EHMT2: variants seen among roughly 807,000 people sequenced by gnomAD.
The protein encoded by EHMT2 is euchromatic histone lysine methyltransferase 2, also known as histone-lysine N-methyltransferase EHMT2.
In EHMT2, 59 loss-of-function variants were observed where a neutral mutation model predicts 143.3. The observed-to-expected ratio is 0.41, with a 90% CI of 0.33 to 0.51. EHMT2 has a LOEUF of 0.51. Ranked by LOEUF, EHMT2 falls within the 20% of genes least tolerant of loss-of-function variation. The pLI is 0.18. For synonymous variants in EHMT2, 604 were observed against 651.5 expected, an observed-to-expected ratio of 0.93 and a Z score of 1.11; for missense variants, 1,174 against 1,645.9, an observed-to-expected ratio of 0.71 and a Z score of 4.96.
chr6:31,887,343 C>A (rs1056710686), intron 15 of EHMT2, among the ~76,000 whole-genome samples: 2 of 152,210 alleles, frequency 1.3e-5, no homozygotes, highest in Non-Finnish European at 2.9e-5. Context: ...TGCAAGGTCC[C>A]TAACCTCTCT....
In EHMT2 at chr6:31,880,013, G is replaced by T; in HGVS notation, c.*71C>A. The T allele has an allele frequency of 1.3e-6, 2 of 1,541,170 alleles. No individual in the cohort carries two copies. The highest frequency in any genetic ancestry group is 2.3e-5 in the East Asian group (1 of 43,568). On this transcript the variant is annotated 3_prime_UTR_variant, in exon 28 of 28. Coordinates refer to ENST00000375537, the Ensembl canonical transcript of EHMT2. This position sits in a 1 kb window ranked among gnomAD's most constrained non-coding sequence, Gnocchi z 6.6. ...GGCAGCACCCCCAGGCATGGGCTGCGAGCAGCTGGTGGCAGAGGAGGCGGC... is the reference window on the plus strand; with the variant it reads ...GGCAGCACCCCCAGGCATGGGCTGCTAGCAGCTGGTGGCAGAGGAGGCGGC...
chr6:31,887,557 A>C lies in EHMT2; in HGVS notation c.2011+20T>G. On this transcript the variant is annotated intron_variant, in intron 15 of 27. Coordinates refer to ENST00000375537, the Ensembl canonical transcript of EHMT2. The stretch of plus-strand genomic sequence containing the variant: ...CATGAAGCTTGGTCAAGGTCTGCTG[A>C]AGGAATGGGTGGCACTCACACAGCA... 6.2e-7 allele frequency: 1 copy of C among 1,611,370 alleles called. No individual in the cohort carries two copies. Among genetic ancestry groups the C allele is most frequent in the Non-Finnish European group, 8.5e-7 (1 of 1,178,518 alleles).
At position 31,884,637 on chromosome 6, in the gene EHMT2, G is replaced by A. The variant is rs906829945; in HGVS notation, c.2603+8C>T. On this transcript the variant is annotated splice_region_variant and intron_variant, in intron 20 of 27. Coordinates refer to ENST00000375537, the Ensembl canonical transcript of EHMT2. The surrounding 1 kb of genome is among the most constrained non-coding windows in gnomAD (Gnocchi z 7.3). ...GGCAGGGGCATCAAGGGCGGGGCAG[G>A]GGCTCACAGCACGCAGTCATGGTAG... is the stretch of plus-strand genomic sequence containing the variant. 1.3e-6 allele frequency: 2 copies of A among 1,592,354 alleles called. No homozygotes were observed. The highest frequency in any genetic ancestry group is 1.3e-5 in the African/African-American group (1 of 74,664).
At chr6:31,882,668 A>G (rs761457178) in intron 25 of EHMT2, 31 bp downstream of exon 25, 41 of 1,601,256 alleles carry the variant, frequency 2.6e-5, no homozygotes, top group Non-Finnish European at 3.3e-5. Flanking sequence ...TCCCCTTCCC[A>G]CCAGGTGTTA....
intron 4 of EHMT2, 75 bp from the exon 5 acceptor site, chr6:31,892,985 G>GCTAA: frequency 1.0e-6 from 1 of 971,648 alleles, no homozygotes; most frequent in Non-Finnish European, 1.5e-6. Context: ...GGAGCCCCAG[G>GCTAA]CGGGGGTGGG....
In EHMT2 at chr6:31,896,594, C is replaced by G. The variant is rs769607980; in HGVS notation, c.328+12G>C. 5.7e-6 allele frequency: 9 copies of G among 1,587,572 alleles called. No individual in the cohort carries two copies. The highest frequency in any genetic ancestry group is 7.7e-6 in the Non-Finnish European group (9 of 1,166,904). On this transcript the variant is annotated intron_variant, in intron 3 of 27. Coordinates refer to ENST00000375537, the Ensembl canonical transcript of EHMT2. ...ATTTCCCACCAACCCCCCAGGCTAC[C>G]CAGCCTCTCACCCAGCAGGATCCGG...
exon 28 of EHMT2, chr6:31,879,919 G>A: frequency 2.4e-6 from 2 of 831,210 alleles, no homozygotes; most frequent in Non-Finnish European, 3.7e-6. Flanking sequence ...GGGAGGGGCT[G>A]TCAGACCTCC....
At position 31,884,048 on chromosome 6, in the gene EHMT2, G is replaced by A. The variant is rs996852184; in HGVS notation, c.2772-98C>T. ...GAGTTGGGGAGGTTCCTGGGGCTGGGGGCAGGGGAGTAAGGTTGCCAGGTA... is the reference window on the plus strand; with the variant it reads ...GAGTTGGGGAGGTTCCTGGGGCTGGAGGCAGGGGAGTAAGGTTGCCAGGTA... On this transcript the variant is annotated intron_variant, in intron 21 of 27. Coordinates refer to ENST00000375537, the Ensembl canonical transcript of EHMT2. This position sits in a 1 kb window ranked among gnomAD's most constrained non-coding sequence, Gnocchi z 7.3. 6.5e-6 allele frequency: 9 copies of A among 1,390,646 alleles called. No homozygotes were observed. The South Asian group carries it at 7.9e-5, about 12-fold the overall frequency. The allele number at this position is 1,390,646 out of a possible 1,614,324, so 86.1% of individuals were successfully genotyped here.
At chr6:31,882,647 G>A in intron 25 of EHMT2, 52 bp downstream of exon 25, 1 of 1,546,740 alleles carries the variant, frequency 6.5e-7, no homozygotes, top group Non-Finnish European at 8.9e-7. Context: ...GCAGTCAGCA[G>A]TGGCCATGTA....
Position 31,889,217 on chromosome 6 carries a change from A to G in EHMT2, c.1114+11T>C. The G allele has an allele frequency of 1.3e-6, 2 of 1,597,942 alleles. No individual in the cohort carries two copies. Among genetic ancestry groups the G allele is most frequent in the Non-Finnish European group, 1.7e-6 (2 of 1,173,122 alleles). On this transcript the variant is annotated intron_variant, in intron 9 of 27. Transcript: ENST00000375537. This position sits in a 1 kb window ranked among gnomAD's most constrained non-coding sequence, Gnocchi z 5.1. ...GCTGGAGGGCACCCAAAAGCAGCAG[A>G]GCCTCCTCACCTCGTGGCTCCTTGG...
rs946226438 is a variant in EHMT2 at position 31,889,253 on chromosome 6, C to T, written c.1089G>A (p.Glu363=). The change falls in exon 9 of 28, where the codon GAG becomes GAA. Residue 363 remains glutamate (E), a synonymous_variant. Coordinates refer to ENST00000375537, the Ensembl canonical transcript of EHMT2. This position sits in a 1 kb window ranked among gnomAD's most constrained non-coding sequence, Gnocchi z 5.1. The stretch of plus-strand genomic sequence containing the variant: ...CTCGTGGCTCCTTGGCCCGCGGAGG[C>T]TCCCGCTTGCGCCGTTTCCGAGACG... 14 of 1,610,866 alleles carry T rather than the reference C, an allele frequency of 8.7e-6. No homozygotes were observed. Among genetic ancestry groups the T allele is most frequent in the Non-Finnish European group, 1.2e-5 (14 of 1,179,496 alleles).
intron 1 of EHMT2, among the ~76,000 whole-genome samples, chr6:31,897,429 G>A (rs1383456321): frequency 6.7e-6 from 1 of 149,572 alleles, no homozygotes; most frequent in Non-Finnish European, 1.5e-5. Flanking sequence ...AGGGGCAGCC[G>A]GCGGCTGCAC....
At chr6:31,896,501 G>A (rs1766464043) in exon 4 of EHMT2, 1 of 1,612,770 alleles carries the variant, frequency 6.2e-7, no homozygotes, top group African/African-American at 1.3e-5. Context: ...AGAGGGGAAT[G>A]ACTTTGTGGC....
At position 31,896,937 on chromosome 6, in the gene EHMT2, C is replaced by T. The variant is rs760796179; in HGVS notation, c.95G>A (p.Gly32Glu). The T allele has an allele frequency of 6.9e-6, 11 of 1,593,078 alleles. No homozygotes were observed. The highest frequency in any genetic ancestry group is 9.4e-6 in the Non-Finnish European group (11 of 1,172,514). ...GCTGCACTCACCTCTCTCGGTGGCT[C>T]CTCTGGTTTCCTTCTCCAGCAGCAG... Residue 32 changes from glycine to glutamate, a missense_variant, in exon 2 of 28, where the codon GGA becomes GAA. This residue lies in a region of EHMT2 where 399 missense variants were observed against 404.4 expected (regional missense o/e 0.99). Coordinates refer to ENST00000375537, the Ensembl canonical transcript of EHMT2.
chr6:31,883,677 G>T lies in EHMT2; in HGVS notation c.2916+129C>A. The stretch of plus-strand genomic sequence containing the variant: ...AGGATCCCTCCCCTGGTGGGGATGC[G>T]ACCCCACACCAGGGCTCCCTTTCAG... On this transcript the variant is annotated intron_variant, in intron 22 of 27. Coordinates refer to ENST00000375537, the Ensembl canonical transcript of EHMT2. The surrounding 1 kb of genome is among the most constrained non-coding windows in gnomAD (Gnocchi z 5.6). 2 of 1,349,840 alleles carry T rather than the reference G, an allele frequency of 1.5e-6. No homozygotes were observed. Among genetic ancestry groups the T allele is most frequent in the South Asian group, 1.3e-5 (1 of 76,622 alleles). 83.6% of individuals were successfully genotyped at this position (1,349,840 alleles called of 1,614,324 possible).
rs755624301 is a variant in EHMT2 at position 31,888,287 on chromosome 6, G to A, written c.1510-11C>T. ...CTCCAGGAAGGTGCCCTGGGAGCAG[G>A]GAAACGACATGGTCAGGTTACTGGG... is the stretch of plus-strand genomic sequence containing the variant. On this transcript the variant is annotated splice_polypyrimidine_tract_variant and intron_variant, in intron 12 of 27. Transcript: ENST00000375537. This position sits in a 1 kb window ranked among gnomAD's most constrained non-coding sequence, Gnocchi z 7.4. 2.5e-6 allele frequency: 4 copies of A among 1,612,610 alleles called. No homozygotes were observed. The highest frequency in any genetic ancestry group is 2.2e-5 in the East Asian group (1 of 44,878).
chr6:31,880,279 CAG>C lies in EHMT2; in HGVS notation c.3453-17_3453-16del. 1 of 1,605,376 alleles carries C rather than the reference CAG, an allele frequency of 6.2e-7. No homozygotes were observed. Among genetic ancestry groups the C allele is most frequent in the African/African-American group, 1.3e-5 (1 of 74,906 alleles). On this transcript the variant is annotated splice_polypyrimidine_tract_variant and intron_variant, in intron 27 of 27. Coordinates refer to ENST00000375537, the Ensembl canonical transcript of EHMT2. The surrounding 1 kb of genome is among the most constrained non-coding windows in gnomAD (Gnocchi z 6.6). Reference sequence around the variant, plus strand: ...CATAGTCAAACCTGTCAGAGGAAAACAGGAGCTTGTGGGACCTGGACCCAGCC... The same window carrying C: ...CATAGTCAAACCTGTCAGAGGAAAACGAGCTTGTGGGACCTGGACCCAGCC...
At chr6:31,891,537 AG>A (rs1325924936) in intron 7 of EHMT2, among the ~76,000 whole-genome samples, 4 of 152,210 alleles carry the variant, frequency 2.6e-5, no homozygotes, top group African/African-American at 9.6e-5. Context: ...AGATGGGTCA[AG>A]ATGGACTGTG....
exon 7 of EHMT2, chr6:31,892,535 A>T: frequency 6.2e-7 from 1 of 1,612,962 alleles, no homozygotes; most frequent in Non-Finnish European, 8.5e-7. Flanking sequence ...ACTTCTCCTG[A>T]ACGCCGGGCA....
Sources: gnomAD v4.1 joint callset for allele counts (sites outside exome capture counted in the v4.1 genomes callset) on GRCh38, gnomAD v4.1.1 for gene constraint, gnomAD v4.1.1 regional missense constraint, Gnocchi (gnomAD v3.1) non-coding constraint, MANE v1.5 for transcripts, NCBI Gene and HGNC (gene_info 2026-07-23, HGNC 2026-07-21) for gene names.